Variants in RPTOR observed in about 807,000 individuals in gnomAD.
RPTOR encodes the protein regulatory associated protein of MTOR complex 1, also known as regulatory-associated protein of mTOR.
Under a neutral mutation model 169.9 loss-of-function variants are expected in RPTOR, and 21 were observed. The ratio of observed to expected loss-of-function variants is 0.12; its 90% CI spans 0.09 to 0.18. The LOEUF (loss-of-function observed/expected upper bound fraction) is 0.18, where lower values mean the gene tolerates loss of function less well. Among genes scored for constraint, RPTOR ranks in the 10% least tolerant of loss-of-function variants. The pLI, the probability that RPTOR is intolerant of heterozygous loss-of-function variation, is 1.00. For synonymous variants in RPTOR, 732 were observed against 753.2 expected, an observed-to-expected ratio of 0.97 and a Z score of 0.46; for missense variants, 1,133 against 1,855.9, an observed-to-expected ratio of 0.61 and a Z score of 7.16.
chr17:80,569,888 G>A (rs536750020), intron 1 of RPTOR, among the ~76,000 whole-genome samples: 59 of 152,118 alleles, frequency 3.9e-4, no homozygotes, highest in African/African-American at 1.3e-3. Context: ...ATTCTTCCTC[G>A]TTGGAGCTTG....
intron 2 of RPTOR, among the ~76,000 whole-genome samples, chr17:80,632,278 T>C (rs143932100): frequency 5.5e-3 from 834 of 152,346 alleles, no homozygotes; most frequent in Non-Finnish European, 8.2e-3. Context: ...GCAATGCTTA[T>C]GTTAGGCTTT....
chr17:80,753,860 C>T, intron 5 of RPTOR, 150 bp from the exon 6 acceptor site: 8 of 734,504 alleles, frequency 1.1e-5, no homozygotes, highest in Non-Finnish European at 1.9e-5. Flanking sequence ...GACAGTTCAG[C>T]AGCGACGCCT....
chr17:80,923,915 A>G, intron 23 of RPTOR: 1 of 532,064 alleles, frequency 1.9e-6, no homozygotes, highest in South Asian at 2.6e-5. Flanking sequence ...CTCTGCCTGC[A>G]CTCTTTAGGA....
intron 33 of RPTOR, among the ~76,000 whole-genome samples, chr17:80,963,495 GTGCGGCCCTCACCCCGTCCCCTC>G (rs2069376583): frequency 3.7e-4 from 3 of 8,074 alleles, no homozygotes; most frequent in African/African-American, 2.9e-3. Context: ...CCCGTCCCCT[GTGCGGCCCTCACCCCGTCCCCTC>G]TGCGGCCCTC....
chr17:80,945,912 T>G (rs1352258572), intron 26 of RPTOR, 131 bp downstream of exon 26: 9 of 513,830 alleles, frequency 1.8e-5, no homozygotes, highest in Non-Finnish European at 3.0e-5. Flanking sequence ...CCCTTAGCAC[T>G]GTTTCCTGAG....
intron 20 of RPTOR, among the ~76,000 whole-genome samples, chr17:80,904,210 C>G (rs2068512757): frequency 6.6e-6 from 1 of 152,200 alleles, no homozygotes; most frequent in African/African-American, 2.4e-5. Flanking sequence ...GTGGGTGCAG[C>G]CCCTGAGGGG....
At chr17:80,603,297 A>T (rs1169528737) in intron 1 of RPTOR, among the ~76,000 whole-genome samples, 1 of 152,202 alleles carries the variant, frequency 6.6e-6, no homozygotes, top group African/African-American at 2.4e-5. Flanking sequence ...CAGAATGAGG[A>T]GGTCGTGGCA....
At chr17:80,775,632 A>T (rs890347582) in intron 6 of RPTOR, among the ~76,000 whole-genome samples, 3 of 152,246 alleles carry the variant, frequency 2.0e-5, no homozygotes, top group Non-Finnish European at 4.4e-5. Context: ...GCACAGGATG[A>T]AAAACAGACA....
chr17:80,856,203 C>G (rs1372889108), intron 12 of RPTOR, among the ~76,000 whole-genome samples: 1 of 152,188 alleles, frequency 6.6e-6, no homozygotes, highest in East Asian at 1.9e-4. Context: ...AATGAATACT[C>G]ATAAAACAAT....
At chr17:80,834,028 G>C (rs1276760420) in intron 9 of RPTOR, among the ~76,000 whole-genome samples, 2 of 152,232 alleles carry the variant, frequency 1.3e-5, no homozygotes, top group Non-Finnish European at 2.9e-5. Context: ...TGCGATTTTA[G>C]AATTTAATGG....
At chr17:80,855,901 C>T (rs1006600927) in intron 12 of RPTOR, among the ~76,000 whole-genome samples, 7 of 152,314 alleles carry the variant, frequency 4.6e-5, no homozygotes, top group East Asian at 1.9e-4. Flanking sequence ...GCACCCACCT[C>T]GTGGTGCTGC....
intron 1 of RPTOR, among the ~76,000 whole-genome samples, chr17:80,546,867 G>T (rs2084282425): frequency 6.6e-6 from 1 of 152,110 alleles, no homozygotes; most frequent in Non-Finnish European, 1.5e-5. Flanking sequence ...TCAGGAGTTT[G>T]AGACCAGCCC....
chr17:80,662,055 C>T (rs1445256877), intron 3 of RPTOR, among the ~76,000 whole-genome samples: 2 of 152,148 alleles, frequency 1.3e-5, no homozygotes, highest in Non-Finnish European at 2.9e-5. Context: ...TTTTTAGATG[C>T]TATTTATGTG....
intron 1 of RPTOR, among the ~76,000 whole-genome samples, chr17:80,601,042 T>G (rs2065182123): frequency 6.6e-6 from 1 of 152,114 alleles, no homozygotes; most frequent in African/African-American, 2.4e-5. Context: ...CGCTCTTGGC[T>G]GGTGTGCTGA....
At chr17:80,862,394 G>C (rs377054018) in intron 13 of RPTOR, among the ~76,000 whole-genome samples, 8 of 152,006 alleles carry the variant, frequency 5.3e-5, no homozygotes, top group African/African-American at 1.7e-4. Context: ...CTGTGTTTTT[G>C]AGGGGTCATT....
At chr17:80,632,774 A>G (rs534516945) in intron 2 of RPTOR, among the ~76,000 whole-genome samples, 1 of 152,300 alleles carries the variant, frequency 6.6e-6, no homozygotes, top group Non-Finnish European at 1.5e-5. Flanking sequence ...AGTGTGTAGC[A>G]GCCCACTTTT....
rs2067908402 is a variant in RPTOR, at chr17:80,860,698, G to A, written c.1509+2798G>A. On this transcript the variant is annotated intron_variant, in intron 13 of 33. Transcript: ENST00000306801. The surrounding 1 kb of genome is among the most constrained non-coding windows in gnomAD (Gnocchi z 5.8). ...TTCCGCTGATTCTTGTAGATTCCCT[G>A]GGATTTTCTGCTAGTTCACTGGTTC... 6.6e-6 allele frequency among the ~76,000 whole-genome samples: 1 copy of A among 152,024 alleles called. No individual in the cohort carries two copies. Among genetic ancestry groups the A allele is most frequent in the Admixed American group, 6.6e-5 (1 of 15,236 alleles).
intron 1 of RPTOR, among the ~76,000 whole-genome samples, chr17:80,620,638 C>T (rs1231551657): frequency 1.3e-5 from 2 of 152,114 alleles, no homozygotes; most frequent in Admixed American, 6.6e-5. Context: ...TGCTGGTAGG[C>T]GCCTGTAATC....
At chr17:80,884,072 A>G (rs900988235) in intron 16 of RPTOR, 100 bp downstream of exon 16, 5 of 1,155,742 alleles carry the variant, frequency 4.3e-6, no homozygotes, top group Non-Finnish European at 6.1e-6. Context: ...CCACGTGTCC[A>G]GGAACTTCAG....
Sources: gnomAD v4.1 joint callset for allele counts (sites outside exome capture counted in the v4.1 genomes callset) on GRCh38, gnomAD v4.1.1 for gene constraint, Gnocchi (gnomAD v3.1) non-coding constraint, MANE v1.5 for transcripts, NCBI Gene and HGNC (gene_info 2026-07-23, HGNC 2026-07-21) for gene names.